UBASH3B: variants seen among roughly 807,000 people sequenced by gnomAD.
UBASH3B encodes the protein ubiquitin-associated and SH3 domain-containing protein B.
UBASH3B carries 37 observed loss-of-function variants against 83.4 expected under a neutral mutation model. The observed-to-expected ratio is 0.44, with a 90% CI of 0.34 to 0.58. The LOEUF (loss-of-function observed/expected upper bound fraction) is 0.58, where lower values mean the gene tolerates loss of function less well. Ranked by LOEUF, UBASH3B falls within the 20% of genes least tolerant of loss-of-function variation. The pLI is 0.01. For synonymous variants in UBASH3B, 304 were observed against 318.3 expected, an observed-to-expected ratio of 0.96 and a Z score of 0.48; for missense variants, 657 against 827.2, an observed-to-expected ratio of 0.79 and a Z score of 2.52.
chr11:122,806,339 T>C lies in UBASH3B; in HGVS notation c.1596-71T>C, dbSNP rs3819248. On this transcript the variant is annotated intron_variant, in intron 11 of 13. Coordinates refer to ENST00000284273, the MANE Select transcript of UBASH3B (RefSeq NM_032873.5). The surrounding 1 kb of genome is among the most constrained non-coding windows in gnomAD (Gnocchi z 4.0). ...CTTTAGAAATGCCTTGAAATAAAAG[T>C]TTAGAGTGATATCTTCCTTTGTCTC... The C allele has an allele frequency of 0.21, 274,937 of 1,327,156 alleles. 29,038 individuals carry two copies. Among genetic ancestry groups the C allele is most frequent in the Admixed American group, 0.32 (14,385 of 45,010 alleles). 82.2% of individuals were successfully genotyped at this position (1,327,156 alleles called of 1,614,324 possible).
intron 1 of UBASH3B, among the ~76,000 whole-genome samples, chr11:122,766,535 C>T (rs909169448): frequency 1.3e-5 from 2 of 149,246 alleles, no homozygotes; most frequent in African/African-American, 5.0e-5. Flanking sequence ...ACGGAGCCAG[C>T]GAGACTCCGT....
chr11:122,710,866 G>A (rs1022906655), intron 1 of UBASH3B, among the ~76,000 whole-genome samples: 1 of 152,154 alleles, frequency 6.6e-6, no homozygotes, highest in African/African-American at 2.4e-5. Context: ...GCAGGGTGGT[G>A]GGGGTGGAGA....
In UBASH3B at chr11:122,656,120, C is replaced by G. The variant is rs1203414278; in HGVS notation, c.71C>G (p.Pro24Arg). The G allele has an allele frequency of 6.3e-7, 1 of 1,598,958 alleles. No homozygotes were observed. The highest frequency in any genetic ancestry group is 8.5e-7 in the Non-Finnish European group (1 of 1,174,060). Reference sequence around the variant, plus strand: ...GAGGAGCTGTACAGCAAAGTCACCCCCCGGAGGAACCGCCAACAGCGCCCC... The same window carrying G: ...GAGGAGCTGTACAGCAAAGTCACCCGCCGGAGGAACCGCCAACAGCGCCCC... ...AREELYSKVT[P>R]RRNRQQRPGT... Residue 24 changes from proline (P) to arginine (R), a missense_variant, in exon 1 of 14, where the codon CCC (proline) becomes CGC (arginine). Coordinates refer to ENST00000284273, the MANE Select transcript of UBASH3B (RefSeq NM_032873.5).
chr11:122,796,854 G>A, intron 8 of UBASH3B, 57 bp from the exon 9 acceptor site: 1 of 1,613,032 alleles, frequency 6.2e-7, no homozygotes, highest in Non-Finnish European at 8.5e-7. Flanking sequence ...ATCAGTAAGG[G>A]AGTCCCAAGT....
chr11:122,717,087 A>G (rs1486298912), intron 1 of UBASH3B, among the ~76,000 whole-genome samples: 1 of 152,212 alleles, frequency 6.6e-6, no homozygotes, highest in Non-Finnish European at 1.5e-5. Flanking sequence ...GGACCAGCCC[A>G]TTCTCAGGGG....
intron 1 of UBASH3B, 41 bp from the exon 2 acceptor site, chr11:122,776,178 G>C (rs760698811): frequency 6.9e-6 from 11 of 1,599,166 alleles, no homozygotes; most frequent in Admixed American, 1.7e-5. Flanking sequence ...GGGAGAGGAG[G>C]CTAAAAATAT....
At chr11:122,662,688 C>T (rs1445798166) in intron 1 of UBASH3B, among the ~76,000 whole-genome samples, 2 of 152,170 alleles carry the variant, frequency 1.3e-5, no homozygotes, top group South Asian at 2.1e-4. Context: ...GCCTCGGCCT[C>T]CCAAAGTGCT....
rs748569366 is a variant in UBASH3B, at chr11:122,660,365, G to A, written c.161+4155G>A. Among the ~76,000 whole-genome samples the A allele has an allele frequency of 7.2e-5, 11 of 152,212 alleles. No individual in the cohort carries two copies. In the South Asian group the frequency reaches 1.0e-3, roughly 14 times the overall value. ...CTTTCAAAGGTCAAAATGGCCAATC[G>A]CTTCCTTTTTTCTATGCCCACTAGC... On this transcript the variant is annotated intron_variant, in intron 1 of 13. Coordinates refer to ENST00000284273, the MANE Select transcript of UBASH3B (RefSeq NM_032873.5).
At chr11:122,673,650 C>T (rs1377541833) in intron 1 of UBASH3B, among the ~76,000 whole-genome samples, 1 of 152,182 alleles carries the variant, frequency 6.6e-6, no homozygotes. Context: ...CAGAGTGAGA[C>T]TCCGTCACTT....
rs188293959 is a variant in UBASH3B, at chr11:122,774,889, C to T, written c.162-1330C>T. ...CATCCACCCCACCCAGATGTGTCTA[C>T]ACCCTCAGATTTCACTTGAAATGTT... On this transcript the variant is annotated intron_variant, in intron 1 of 13. Transcript: ENST00000284273. 5.8e-4 allele frequency among the ~76,000 whole-genome samples: 88 copies of T among 152,284 alleles called. No homozygotes were observed. The Middle Eastern group carries it at 0.01, about 18-fold the overall frequency.
chr11:122,767,764 T>C (rs1189032259), intron 1 of UBASH3B, among the ~76,000 whole-genome samples: 1 of 152,128 alleles, frequency 6.6e-6, no homozygotes, highest in Non-Finnish European at 1.5e-5. Context: ...CAGGTCTCAT[T>C]GGGCAGCATT....
At chr11:122,730,209 C>T (rs955324051) in intron 1 of UBASH3B, among the ~76,000 whole-genome samples, 1 of 152,052 alleles carries the variant, frequency 6.6e-6, no homozygotes, top group African/African-American at 2.4e-5. Context: ...TTGCCTGAAC[C>T]CAGGAGGTGG....
chr11:122,783,674 G>GTATCTC (rs1026004104), intron 5 of UBASH3B, among the ~76,000 whole-genome samples: 5 of 152,006 alleles, frequency 3.3e-5, no homozygotes, highest in Non-Finnish European at 7.4e-5. Context: ...TATTTGCTGT[G>GTATCTC]TATCTGTATC....
intron 1 of UBASH3B, among the ~76,000 whole-genome samples, chr11:122,724,405 A>G (rs1366902152): frequency 6.6e-6 from 1 of 152,236 alleles, no homozygotes; most frequent in Admixed American, 6.5e-5. Flanking sequence ...TGGGTCCACC[A>G]CTGTGGCATA....
At chr11:122,792,991 G>A (rs936790402) in intron 6 of UBASH3B, among the ~76,000 whole-genome samples, 1 of 152,150 alleles carries the variant, frequency 6.6e-6, no homozygotes, top group African/African-American at 2.4e-5. Context: ...ATCACTTCTA[G>A]TGAAAAAGGA....
At chr11:122,686,559 CTG>C (rs1863810869) in intron 1 of UBASH3B, among the ~76,000 whole-genome samples, 1 of 152,172 alleles carries the variant, frequency 6.6e-6, no homozygotes, top group Non-Finnish European at 1.5e-5. Context: ...GGGGCTGGAT[CTG>C]TGCAGGATGA....
intron 1 of UBASH3B, among the ~76,000 whole-genome samples, chr11:122,683,831 G>A (rs4936718): frequency 0.69 from 103,978 of 150,950 alleles, 39,202 homozygotes; most frequent in Admixed American, 0.83. Flanking sequence ...GTCTCTTAGT[G>A]TAGTTAGCTT....
At chr11:122,780,404 T>C (rs1358024094) in intron 4 of UBASH3B, among the ~76,000 whole-genome samples, 1 of 152,214 alleles carries the variant, frequency 6.6e-6, no homozygotes, top group Non-Finnish European at 1.5e-5. Context: ...AGCTCTCCTG[T>C]CTGACTACAG....
intron 1 of UBASH3B, among the ~76,000 whole-genome samples, chr11:122,701,424 G>A (rs1864039138): frequency 6.6e-6 from 1 of 152,192 alleles, no homozygotes; most frequent in South Asian, 2.1e-4. Context: ...CGAGGCTCTT[G>A]CAGTGGCAAG....
Sources: allele counts gnomAD v4.1 joint callset (sites outside exome capture counted in the v4.1 genomes callset), GRCh38; gene constraint gnomAD v4.1.1; non-coding constraint Gnocchi (gnomAD v3.1); transcripts MANE v1.5; gene names NCBI Gene and HGNC (gene_info 2026-07-23, HGNC 2026-07-21).